CAND1: variants seen among roughly 807,000 people sequenced by gnomAD.
CAND1 encodes the protein cullin-associated NEDD8-dissociated protein 1.
In CAND1, 7 loss-of-function variants were observed where a neutral mutation model predicts 108.5. The observed-to-expected ratio is 0.06, with a 90% CI of 0.04 to 0.12. The LOEUF is 0.12. CAND1 is among the 10% of genes least tolerant of loss of function. The pLI is 1.00. For synonymous variants in CAND1, 534 were observed against 512.0 expected (o/e 1.04, Z -0.58); for missense variants, 941 against 1,448.7 (o/e 0.65, Z 5.69).
intron 2 of CAND1, among the ~76,000 whole-genome samples, chr12:67,289,145 A>G (rs997703094): frequency 1.3e-5 from 2 of 151,710 alleles, no homozygotes; most frequent in Non-Finnish European, 2.9e-5. Context: ...TTTTTCTTTT[A>G]TTCAGTTTTA....
In CAND1 at chr12:67,305,123, T is replaced by A; in HGVS notation, c.1455T>A (p.Asn485Lys). The change falls in exon 10 of 15, where the codon AAT (asparagine) becomes AAA (lysine). Residue 485 changes from asparagine (N) to lysine (K), a missense_variant. Transcript: ENST00000545606. The surrounding 1 kb of genome is among the most constrained non-coding windows in gnomAD (Gnocchi z 4.4). ...VLVPGIIFSLNDKSSSSNLKI... is the reference protein window; with the variant it reads ...VLVPGIIFSLKDKSSSSNLKI... Reference sequence around the variant, plus strand: ...TTTTAGGAATCATTTTCTCACTGAATGATAAATCAAGCTCATCGAATTTGA... The same window carrying A: ...TTTTAGGAATCATTTTCTCACTGAAAGATAAATCAAGCTCATCGAATTTGA... The A allele has an allele frequency of 6.2e-7, 1 of 1,609,412 alleles. No homozygotes were observed. Among genetic ancestry groups the A allele is most frequent in the Non-Finnish European group, 8.5e-7 (1 of 1,177,392 alleles).
At chr12:67,282,753 C>A (rs772604433) in intron 2 of CAND1, among the ~76,000 whole-genome samples, 7 of 152,046 alleles carry the variant, frequency 4.6e-5, no homozygotes, top group Non-Finnish European at 8.8e-5. Context: ...ATAGTTAACT[C>A]AAAACAACAC....
intron 2 of CAND1, among the ~76,000 whole-genome samples, chr12:67,290,240 G>A (rs1430047196): frequency 1.3e-5 from 2 of 152,094 alleles, no homozygotes; most frequent in African/African-American, 2.4e-5. Flanking sequence ...GCCTGGCGTG[G>A]TGGCTTATGC....
intron 1 of CAND1, among the ~76,000 whole-genome samples, chr12:67,271,098 T>G (rs562509166): frequency 3.3e-5 from 5 of 152,342 alleles, no homozygotes; most frequent in African/African-American, 1.2e-4. Flanking sequence ...TAAAAAATAT[T>G]TCTACCTAGG....
intron 1 of CAND1, among the ~76,000 whole-genome samples, chr12:67,275,415 T>C (rs1199999244): frequency 1.3e-5 from 2 of 149,392 alleles, no homozygotes; most frequent in African/African-American, 5.1e-5. Flanking sequence ...TAATCCCAGC[T>C]ACTCGCGAGG....
At chr12:67,293,090 A>G in intron 3 of CAND1, 1 of 273,640 alleles carries the variant, frequency 3.7e-6, no homozygotes, top group South Asian at 4.1e-5. Context: ...CAGTGAGGGA[A>G]GAGATAACCA....
chr12:67,278,282 C>G (rs1243928914), intron 1 of CAND1, among the ~76,000 whole-genome samples: 4 of 152,114 alleles, frequency 2.6e-5, no homozygotes, highest in African/African-American at 9.7e-5. Context: ...CTCAGCCTCC[C>G]AAATAGGTGG....
intron 14 of CAND1, among the ~76,000 whole-genome samples, chr12:67,312,139 C>T (rs1315629718): frequency 1.3e-5 from 2 of 149,542 alleles, no homozygotes; most frequent in South Asian, 4.2e-4. Flanking sequence ...AGGTTGACAA[C>T]ATTTGCAATG....
At chr12:67,311,829 C>A in intron 14 of CAND1, 29 bp downstream of exon 14, 1 of 1,321,772 alleles carries the variant, frequency 7.6e-7, no homozygotes, top group Non-Finnish European at 1.1e-6. Flanking sequence ...CAACCTAGGT[C>A]AGACTTGGTG....
intron 1 of CAND1, among the ~76,000 whole-genome samples, chr12:67,276,660 G>A (rs1258661902): frequency 1.3e-5 from 2 of 152,188 alleles, no homozygotes; most frequent in African/African-American, 2.4e-5. Context: ...TTGGTATTTT[G>A]TATTGCTCAG....
rs2044757157 is a variant in CAND1 at position 67,295,106 on chromosome 12, T to C, written c.441T>C (p.Asp147=). The C allele has an allele frequency of 6.2e-7, 1 of 1,613,232 alleles. No individual in the cohort carries two copies. The highest frequency in any genetic ancestry group is 1.3e-5 in the African/African-American group (1 of 75,018). Residue 147 remains aspartate (D), a synonymous_variant, in exon 4 of 15, where the codon GAT becomes GAC. Coordinates refer to ENST00000545606, the MANE Select transcript of CAND1 (RefSeq NM_018448.5). ...CAAGTGCAATAGCAAAACAGGAAGATGTCTCTGTTCAGCTAGAAGCCTTGG... is the reference window on the plus strand; with the variant it reads ...CAAGTGCAATAGCAAAACAGGAAGACGTCTCTGTTCAGCTAGAAGCCTTGG... The part of the protein sequence containing the change: ...RLTSAIAKQE[D]VSVQLEALDI...
chr12:67,299,070 T>C lies in CAND1; in HGVS notation c.975T>C (p.Ala325=). The C allele has an allele frequency of 5.2e-6, 8 of 1,526,800 alleles. No individual in the cohort carries two copies. Among genetic ancestry groups the C allele is most frequent in the Non-Finnish European group, 7.2e-6 (8 of 1,112,382 alleles). 94.6% of individuals were successfully genotyped at this position (1,526,800 alleles called of 1,614,324 possible). Residue 325 remains alanine, a synonymous_variant, in exon 7 of 15, where the codon GCT becomes GCC. Transcript: ENST00000545606. Reference sequence around the variant, plus strand: ...ATGAAGATGAAAATGCAATGGATGCTGATGGTGGTGATGATGATGATCAAG... The same window carrying C: ...ATGAAGATGAAAATGCAATGGATGCCGATGGTGGTGATGATGATGATCAAG... ...DEDEDENAMD[A]DGGDDDDQGS...
chr12:67,291,528 A>G (rs1179835135), intron 2 of CAND1, among the ~76,000 whole-genome samples: 1 of 152,180 alleles, frequency 6.6e-6, no homozygotes, highest in Non-Finnish European at 1.5e-5. Context: ...ATTTTGGAAT[A>G]TTTGCATATA....
rs2136026489 is a variant in CAND1 at position 67,314,743 on chromosome 12, G to GTT, written c.*1916_*1917dup. ...ACTTTCAAGATGCATGTTTTGTTTT[G>GTT]TTTTGCTTTGTTTTTGTCTCTTAAG... On this transcript the variant is annotated 3_prime_UTR_variant, in exon 15 of 15. Coordinates refer to ENST00000545606, the MANE Select transcript of CAND1 (RefSeq NM_018448.5). 1 of 152,198 alleles carries GTT rather than the reference G, an allele frequency of 6.6e-6. No individual in the cohort carries two copies. Among genetic ancestry groups the GTT allele is most frequent in the South Asian group, 2.1e-4 (1 of 4,832 alleles). The allele number at this position is 152,198 out of a possible 1,614,324, so 9.4% of individuals were successfully genotyped here.
At chr12:67,288,136 A>ATT (rs535157799) in intron 2 of CAND1, among the ~76,000 whole-genome samples, 35 of 135,858 alleles carry the variant, frequency 2.6e-4, no homozygotes, top group African/African-American at 8.7e-4. Flanking sequence ...TCTTTTCTGA[A>ATT]TTTTTTTTTT....
In CAND1 at chr12:67,319,562, G is replaced by A. The variant is rs1335150467; in HGVS notation, c.*6732G>A. 6.6e-6 allele frequency: 1 copy of A among 152,172 alleles called. No individual in the cohort carries two copies. Among genetic ancestry groups the A allele is most frequent in the Non-Finnish European group, 1.5e-5 (1 of 68,022 alleles). The allele number at this position is 152,172 out of a possible 1,614,324, so 9.4% of individuals were successfully genotyped here. ...TGTCAAATTCCTTTTAAAAGCACCT[G>A]TCTGTCTGTTAACGTTGGTGCAGAT... is the stretch of plus-strand genomic sequence containing the variant. On this transcript the variant is annotated 3_prime_UTR_variant, in exon 15 of 15. Coordinates refer to ENST00000545606, the MANE Select transcript of CAND1 (RefSeq NM_018448.5).
chr12:67,272,306 T>A (rs910949904), intron 1 of CAND1, among the ~76,000 whole-genome samples: 3 of 152,360 alleles, frequency 2.0e-5, no homozygotes, highest in Admixed American at 1.3e-4. Flanking sequence ...GATTCTTTGT[T>A]ATGAACTGTA....
At chr12:67,284,486 G>T (rs938644421) in intron 2 of CAND1, among the ~76,000 whole-genome samples, 8 of 152,186 alleles carry the variant, frequency 5.3e-5, no homozygotes, top group African/African-American at 1.9e-4. Context: ...AGTCAACATT[G>T]AATCTTGATT....
chr12:67,279,418 A>G (rs2044599962), intron 1 of CAND1, among the ~76,000 whole-genome samples: 2 of 152,210 alleles, frequency 1.3e-5, no homozygotes, highest in African/African-American at 4.8e-5. Flanking sequence ...CTTCCTTAAT[A>G]AGATTAATAG....
Sources: gnomAD v4.1 joint callset for allele counts (sites outside exome capture counted in the v4.1 genomes callset) on GRCh38, gnomAD v4.1.1 for gene constraint, Gnocchi (gnomAD v3.1) non-coding constraint, MANE v1.5 for transcripts, NCBI Gene and HGNC (gene_info 2026-07-23, HGNC 2026-07-21) for gene names.